The following TMEM131L variants were observed in gnomAD, a reference collection of about 807,000 sequenced individuals.
TMEM131L encodes the protein transmembrane protein 131-like.
A neutral mutation model predicts 192.2 loss-of-function variants in TMEM131L; 54 were observed. That is an observed-to-expected ratio of 0.28 (90% CI 0.23 to 0.35). The LOEUF (loss-of-function observed/expected upper bound fraction) is 0.35, where lower values mean the gene tolerates loss of function less well. Ranked by LOEUF, TMEM131L falls within the 10% of genes least tolerant of loss-of-function variation. The probability of loss-of-function intolerance (pLI) is 1.00; values close to 1 mark genes in which losing one functional copy is unlikely to be tolerated. For synonymous variants in TMEM131L, 701 were observed against 704.9 expected (o/e 0.99, Z 0.09); for missense variants, 1,888 against 1,972.9 (o/e 0.96, Z 0.82).
intron 2 of TMEM131L, among the ~76,000 whole-genome samples, chr4:153,467,558 G>T (rs1730853004): frequency 6.6e-6 from 1 of 152,258 alleles, no homozygotes; most frequent in African/African-American, 2.4e-5. Context: ...CTGTTCGGCC[G>T]TGGGTGTCCT....
chr4:153,590,517 A>C (rs987031852), intron 16 of TMEM131L, among the ~76,000 whole-genome samples: 1 of 152,218 alleles, frequency 6.6e-6, no homozygotes, highest in Non-Finnish European at 1.5e-5. Context: ...TGATAATTTG[A>C]TAAATTACGG....
At chr4:153,468,434 A>G (rs1398812861) in intron 2 of TMEM131L, among the ~76,000 whole-genome samples, 2 of 148,002 alleles carry the variant, frequency 1.4e-5, no homozygotes, top group Non-Finnish European at 3.0e-5. Context: ...TTATTCCCAA[A>G]TGGATTTTTT....
intron 3 of TMEM131L, among the ~76,000 whole-genome samples, chr4:153,537,927 A>G (rs1239454306): frequency 2.6e-5 from 4 of 152,200 alleles, no homozygotes; most frequent in Non-Finnish European, 1.5e-5. Flanking sequence ...GGGAAGCAAG[A>G]TGCAACTTTC....
At chr4:153,600,010 C>T (rs1189140495) in intron 21 of TMEM131L, among the ~76,000 whole-genome samples, 1 of 152,084 alleles carries the variant, frequency 6.6e-6, no homozygotes, top group African/African-American at 2.4e-5. Flanking sequence ...TGTACTCCAG[C>T]CTGGACGACA....
chr4:153,495,649 G>C (rs1230567022), intron 3 of TMEM131L, among the ~76,000 whole-genome samples: 3 of 152,142 alleles, frequency 2.0e-5, no homozygotes, highest in Admixed American at 1.3e-4. Context: ...GGTGAGCAGA[G>C]GGATGACTTT....
At chr4:153,595,137 CA>C (rs1731341106) in intron 19 of TMEM131L, among the ~76,000 whole-genome samples, 1 of 152,114 alleles carries the variant, frequency 6.6e-6, no homozygotes. Context: ...TAGTTAATAT[CA>C]GTGCCTTGAA....
At chr4:153,598,260 ATGTC>A (rs1731585024) in intron 20 of TMEM131L, among the ~76,000 whole-genome samples, 6 of 151,144 alleles carry the variant, frequency 4.0e-5, no homozygotes, top group Non-Finnish European at 8.8e-5. Context: ...TTTTTCTTGA[ATGTC>A]TGATCACTAC....
chr4:153,481,169 C>A (rs1265784275), intron 3 of TMEM131L, among the ~76,000 whole-genome samples: 1 of 146,410 alleles, frequency 6.8e-6, no homozygotes, highest in Non-Finnish European at 1.6e-5. Flanking sequence ...AAACACTTTT[C>A]TCTTCCCCAG....
chr4:153,618,698 C>T (rs560025265), intron 26 of TMEM131L, among the ~76,000 whole-genome samples: 9 of 151,882 alleles, frequency 5.9e-5, no homozygotes, highest in African/African-American at 2.2e-4. Flanking sequence ...GCAGTTTAGC[C>T]TCCGAGATAT....
intron 3 of TMEM131L, among the ~76,000 whole-genome samples, chr4:153,537,501 G>A (rs933400210): frequency 6.6e-6 from 1 of 152,212 alleles, no homozygotes; most frequent in Non-Finnish European, 1.5e-5. Context: ...TAAATAAGGG[G>A]TGGATTATTT....
chr4:153,543,511 C>T (rs796643329), intron 3 of TMEM131L, among the ~76,000 whole-genome samples: 17 of 152,306 alleles, frequency 1.1e-4, no homozygotes, highest in African/African-American at 4.1e-4. Context: ...AGTTCATAGG[C>T]GTTTCCAGGC....
Position 153,617,093 on chromosome 4 carries a change from A to G in TMEM131L, c.3568-3663A>G, listed in dbSNP as rs376505382. On this transcript the variant is annotated intron_variant, in intron 26 of 34. Transcript: ENST00000409959. Reference sequence around the variant, plus strand: ...TCCCACATGTCATGGGAGGAACCCTATGGGAGGTGGTTGAATTATGGGGGT... The same window carrying G: ...TCCCACATGTCATGGGAGGAACCCTGTGGGAGGTGGTTGAATTATGGGGGT... Among the ~76,000 whole-genome samples, 223 of 152,220 alleles carry G rather than the reference A, an allele frequency of 1.5e-3. 7 individuals are homozygous for G. The South Asian group carries it at 0.043, about 29-fold the overall frequency.
At chr4:153,619,029 C>G (rs539344324) in intron 26 of TMEM131L, among the ~76,000 whole-genome samples, 1 of 152,150 alleles carries the variant, frequency 6.6e-6, no homozygotes, top group African/African-American at 2.4e-5. Context: ...GTCATACTCA[C>G]GGAGAACTCT....
intron 6 of TMEM131L, among the ~76,000 whole-genome samples, chr4:153,558,018 C>T (rs1022135572): frequency 6.6e-6 from 1 of 152,196 alleles, no homozygotes; most frequent in African/African-American, 2.4e-5. Context: ...TGATCCACCT[C>T]CCTGGGCCTC....
Position 153,636,694 on chromosome 4 carries a change from A to G in TMEM131L, c.*118A>G. On this transcript the variant is annotated 3_prime_UTR_variant, in exon 35 of 35. Coordinates refer to ENST00000409959, the MANE Select transcript of TMEM131L (RefSeq NM_001131007.2). ...GATATTTTGGCACTTTTATATGAAA[A>G]TAAATTTTTTAATGAAATCTGGGTG... 9.8e-7 allele frequency: 1 copy of G among 1,020,382 alleles called. No individual in the cohort carries two copies. Among genetic ancestry groups the G allele is most frequent in the East Asian group, 2.6e-5 (1 of 38,458 alleles). The allele number at this position is 1,020,382 out of a possible 1,614,324, so 63.2% of individuals were successfully genotyped here. A position where few individuals can be genotyped will look rare whatever the true frequency, so the allele number is the denominator to read the frequency against.
intron 3 of TMEM131L, among the ~76,000 whole-genome samples, chr4:153,519,735 T>C (rs762058788): frequency 1.1e-4 from 17 of 152,202 alleles, no homozygotes; most frequent in Non-Finnish European, 2.2e-4. Context: ...AGGGTCAAGC[T>C]AGGCTGTAAG....
intron 3 of TMEM131L, among the ~76,000 whole-genome samples, chr4:153,479,993 C>G (rs1485960437): frequency 6.6e-6 from 1 of 152,204 alleles, no homozygotes; most frequent in Non-Finnish European, 1.5e-5. Context: ...GGCGGATCAC[C>G]TGACGTCAGG....
intron 7 of TMEM131L, among the ~76,000 whole-genome samples, chr4:153,573,487 T>TG (rs1729729787): frequency 1.3e-5 from 2 of 152,234 alleles, no homozygotes; most frequent in African/African-American, 4.8e-5. Flanking sequence ...CTGCCTGACC[T>TG]ATCAAGGTGA....
intron 3 of TMEM131L, among the ~76,000 whole-genome samples, chr4:153,480,378 G>C (rs1370463714): frequency 1.3e-5 from 2 of 151,578 alleles, no homozygotes; most frequent in African/African-American, 4.9e-5. Context: ...AAATAAGCCG[G>C]GCGTGGCAGC....
Sources: gnomAD v4.1 joint callset for allele counts (sites outside exome capture counted in the v4.1 genomes callset) on GRCh38, gnomAD v4.1.1 for gene constraint, MANE v1.5 for transcripts, NCBI Gene and HGNC (gene_info 2026-07-23, HGNC 2026-07-21) for gene names.